The following STAT3 variants were observed in gnomAD, a reference collection of about 807,000 sequenced individuals.
STAT3 encodes signal transducer and activator of transcription 3.
A neutral mutation model predicts 114.3 loss-of-function variants in STAT3; 7 were observed. That is an observed-to-expected ratio of 0.06 (90% CI 0.03 to 0.11). The LOEUF (loss-of-function observed/expected upper bound fraction) is 0.11. STAT3 is among the 10% of genes least tolerant of loss of function. STAT3 has a pLI of 1.00. For missense variants in STAT3, 364 were observed against 960.9 expected, an observed-to-expected ratio of 0.38 and a Z score of 8.21; for synonymous variants, 331 against 354.5, an observed-to-expected ratio of 0.93 and a Z score of 0.74.
chr17:42,375,020 C>A (rs2084373942), intron 1 of STAT3, among the ~76,000 whole-genome samples: 1 of 152,172 alleles, frequency 6.6e-6, no homozygotes, highest in Admixed American at 6.5e-5. Flanking sequence ...CTATTCTTTA[C>A]CAGAATCGTC....
At chr17:42,366,911 C>A (rs539042909) in intron 1 of STAT3, among the ~76,000 whole-genome samples, 1 of 152,136 alleles carries the variant, frequency 6.6e-6, no homozygotes, top group South Asian at 2.1e-4. Context: ...GAGGCCAAGG[C>A]GAGCAGATAA....
intron 21 of STAT3, among the ~76,000 whole-genome samples, chr17:42,321,351 C>T (rs963342579): frequency 3.3e-5 from 5 of 151,848 alleles, no homozygotes; most frequent in Non-Finnish European, 7.4e-5. Flanking sequence ...TCTCAAACTC[C>T]CAGGCTCAAG....
In STAT3 at chr17:42,347,184, CA is replaced by C. The variant is rs754388828; in HGVS notation, c.129-472del. Reference sequence around the variant, plus strand: ...CCTGGGCTACAGCCAGACTCCATCTCAAAAAAAAAAAAAAAAAAACCACAAA... The same window carrying C: ...CCTGGGCTACAGCCAGACTCCATCTCAAAAAAAAAAAAAAAAAACCACAAA... On this transcript the variant is annotated intron_variant, in intron 2 of 23. Coordinates refer to ENST00000264657, the MANE Select transcript of STAT3 (RefSeq NM_139276.3). 1.8e-3 allele frequency among the ~76,000 whole-genome samples: 135 copies of C among 75,514 alleles called. No individual in the cohort carries two copies. In the Middle Eastern group the frequency reaches 0.025, roughly 14 times the overall value. 49.5% of individuals were successfully genotyped at this position (75,514 alleles called of 152,430 possible).
chr17:42,315,967 G>C (rs2081232467), intron 23 of STAT3, 167 bp from the exon 24 acceptor site: 48 of 1,501,948 alleles, frequency 3.2e-5, no homozygotes, highest in Non-Finnish European at 3.9e-5. Flanking sequence ...CTCCTCCCTG[G>C]AGGACCCTGC....
At chr17:42,376,150 CA>C (rs35901220) in intron 1 of STAT3, among the ~76,000 whole-genome samples, 52,703 of 147,938 alleles carry the variant, frequency 0.36, 9,448 homozygotes, top group South Asian at 0.46. Flanking sequence ...GACTCCGTCT[CA>C]AAAAAAAAAA....
In STAT3 at chr17:42,384,496, T is replaced by C. The variant is rs1252498702; in HGVS notation, c.-24+3783A>G. Among the ~76,000 whole-genome samples the C allele has an allele frequency of 2.0e-5, 3 of 151,886 alleles. No homozygotes were observed. The East Asian group carries it at 5.8e-4, about 30-fold the overall frequency. ...TGAAATTCCTTGGTCCTGTATTCAA[T>C]GTCTTTTGTAAGTAATCACTTCTCC... is the stretch of plus-strand genomic sequence containing the variant. On this transcript the variant is annotated intron_variant, in intron 1 of 23. Transcript: ENST00000264657.
chr17:42,357,170 T>C (rs2083268418), intron 1 of STAT3, among the ~76,000 whole-genome samples: 1 of 152,192 alleles, frequency 6.6e-6, no homozygotes, highest in African/African-American at 2.4e-5. Flanking sequence ...CTAATCCCAC[T>C]GAGGGCCACA....
chr17:42,376,485 T>A (rs183040528), intron 1 of STAT3, among the ~76,000 whole-genome samples: 2 of 143,854 alleles, frequency 1.4e-5, no homozygotes, highest in African/African-American at 2.6e-5. Flanking sequence ...AGGTGGAGGT[T>A]GCAGTGAGCG....
intron 23 of STAT3, chr17:42,316,154 T>C: frequency 9.0e-7 from 1 of 1,106,804 alleles, no homozygotes; most frequent in Non-Finnish European, 1.2e-6. Flanking sequence ...TGAGCTGTGC[T>C]GTGGCTGTCA....
intron 1 of STAT3, among the ~76,000 whole-genome samples, chr17:42,369,395 C>G (rs1437913437): frequency 6.6e-6 from 1 of 152,034 alleles, no homozygotes; most frequent in Non-Finnish European, 1.5e-5. Context: ...AAAACATGAT[C>G]TCGTTGTTTT....
rs747667389 is a variant in STAT3 at position 42,317,222 on chromosome 17, C to T, written c.2104G>A (p.Ala702Thr). 2.9e-5 allele frequency: 47 copies of T among 1,613,642 alleles called. No homozygotes were observed. The Admixed American group carries it at 4.2e-4, about 14-fold the overall frequency. ...AACTTGGTCTTCAGGTATGGGGCAG[C>T]GCCTGGGAAGAAGAAAACCAGTTTT... ...QEHPEADPGS[A>T]APYLKTKFIC... Residue 702 changes from alanine to threonine, a missense_variant and splice_region_variant, in exon 22 of 24, where the codon GCT (alanine) becomes ACT (threonine). Transcript: ENST00000264657.
At position 42,324,959 on chromosome 17, in the gene STAT3, T is replaced by G. The variant is rs1306556599; in HGVS notation, c.1464+4A>C. On this transcript the variant is annotated splice_donor_region_variant and intron_variant, in intron 16 of 23. Transcript: ENST00000264657. The surrounding 1 kb of genome is among the most constrained non-coding windows in gnomAD (Gnocchi z 4.5). ...GGCACCAACTAAAAGGAGGGGGCACTAACCTTGGGATTGTTGGTCAGCATG... is the reference window on the plus strand; with the variant it reads ...GGCACCAACTAAAAGGAGGGGGCACGAACCTTGGGATTGTTGGTCAGCATG... 1 of 1,614,202 alleles carries G rather than the reference T, an allele frequency of 6.2e-7. No individual in the cohort carries two copies. The highest frequency in any genetic ancestry group is 1.1e-5 in the South Asian group (1 of 91,088).
intron 1 of STAT3, among the ~76,000 whole-genome samples, chr17:42,351,129 C>CAAAAAA (rs139529559): frequency 3.9e-4 from 30 of 76,972 alleles, no homozygotes; most frequent in Admixed American, 6.0e-4. Flanking sequence ...GACTCCATCT[C>CAAAAAA]AAAAAAAAAA....
chr17:42,347,742 T>A (rs1377128756), intron 2 of STAT3, among the ~76,000 whole-genome samples: 1 of 152,148 alleles, frequency 6.6e-6, no homozygotes, highest in East Asian at 1.9e-4. Context: ...TCTTGTGAGA[T>A]CTGATAGTTT....
intron 1 of STAT3, among the ~76,000 whole-genome samples, chr17:42,352,133 G>C (rs1304110712): frequency 6.6e-6 from 1 of 152,076 alleles, no homozygotes; most frequent in African/African-American, 2.4e-5. Flanking sequence ...GAGGTCAGGA[G>C]TTCGAGACCA....
At chr17:42,371,186 G>GA (rs1334495219) in intron 1 of STAT3, among the ~76,000 whole-genome samples, 25 of 152,070 alleles carry the variant, frequency 1.6e-4, no homozygotes, top group Non-Finnish European at 3.4e-4. Context: ...AGTCAGACAG[G>GA]GAGAGAGGCA....
intron 1 of STAT3, among the ~76,000 whole-genome samples, chr17:42,379,774 G>A (rs1400369567): frequency 1.3e-5 from 2 of 152,178 alleles, no homozygotes; most frequent in African/African-American, 2.4e-5. Flanking sequence ...GGGCAATGCA[G>A]AGATTTATCA....
chr17:42,348,379 A>G lies in STAT3; in HGVS notation c.128+10T>C, dbSNP rs977213170. The G allele has an allele frequency of 6.2e-7, 1 of 1,614,060 alleles. No individual in the cohort carries two copies. Among genetic ancestry groups the G allele is most frequent in the Non-Finnish European group, 8.5e-7 (1 of 1,179,986 alleles). ...CTAACAATTTGGAGAGTCACTTAAG[A>G]AGGACTTACCAATCTTGACTCTCAA... is the stretch of plus-strand genomic sequence containing the variant. On this transcript the variant is annotated intron_variant, in intron 2 of 23. Transcript: ENST00000264657.
At chr17:42,316,683 C>T (rs2081264120) in intron 23 of STAT3, 106 bp downstream of exon 23, 1 of 1,560,436 alleles carries the variant, frequency 6.4e-7, no homozygotes, top group African/African-American at 1.4e-5. Context: ...GCTCTAGAAT[C>T]TCCTACCATT....
Sources: gnomAD v4.1 joint callset for allele counts (sites outside exome capture counted in the v4.1 genomes callset) on GRCh38, gnomAD v4.1.1 for gene constraint, Gnocchi (gnomAD v3.1) non-coding constraint, MANE v1.5 for transcripts, NCBI Gene and HGNC (gene_info 2026-07-23, HGNC 2026-07-21) for gene names.